DTNA: variants seen among roughly 807,000 people sequenced by gnomAD.
The protein encoded by DTNA is dystrobrevin alpha.
A neutral mutation model predicts 100.7 loss-of-function variants in DTNA; 43 were observed. The observed-to-expected ratio is 0.43, with a 90% CI of 0.33 to 0.55. DTNA has a LOEUF of 0.55. Among genes scored for constraint, DTNA ranks in the 20% least tolerant of loss-of-function variants. The pLI is 0.04. For missense variants in DTNA, 798 were observed against 953.9 expected (o/e 0.84, Z 2.15); for synonymous variants, 349 against 347.9 (o/e 1.00, Z -0.04).
intron 1 of DTNA, among the ~76,000 whole-genome samples, chr18:34,507,449 T>A (rs1450691921): frequency 6.6e-6 from 1 of 152,168 alleles, no homozygotes; most frequent in African/African-American, 2.4e-5. Context: ...AAATTATGCA[T>A]TAAAAATAAA....
chr18:34,725,684 G>A (rs1431765560), intron 1 of DTNA, among the ~76,000 whole-genome samples: 6 of 152,236 alleles, frequency 3.9e-5, no homozygotes, highest in Non-Finnish European at 2.9e-5. Context: ...GTGGAAGACA[G>A]TGTGGCGATT....
intron 1 of DTNA, among the ~76,000 whole-genome samples, chr18:34,648,675 C>T (rs1417529711): frequency 2.6e-5 from 4 of 152,208 alleles, no homozygotes; most frequent in Admixed American, 1.3e-4. Flanking sequence ...AGCTTTGTTC[C>T]GACTCTCAAG....
In DTNA at chr18:34,875,271, C is replaced by A. The variant is rs113072494; in HGVS notation, c.1776C>A (p.Pro592=). The change falls in exon 18 of 23, where the codon CCC becomes CCA. Residue 592 remains proline (P), a synonymous_variant. Coordinates refer to ENST00000444659, the MANE Select transcript of DTNA (RefSeq NM_001386795.1). ...TQGAGSPRSS[P]SHTISRPIPM... is the part of the protein sequence containing the mutation. ...GGGCAGGCTCTCCCCGCTCCTCCCC[C>A]AGCCACACCATCAGCAGGCCAATTC... is the stretch of plus-strand genomic sequence containing the variant. 6.2e-7 allele frequency: 1 copy of A among 1,614,158 alleles called. No individual in the cohort carries two copies. The highest frequency in any genetic ancestry group is 8.5e-7 in the Non-Finnish European group (1 of 1,180,026).
intron 1 of DTNA, among the ~76,000 whole-genome samples, chr18:34,612,447 G>A (rs1003276988): frequency 4.3e-4 from 65 of 152,154 alleles, no homozygotes; most frequent in African/African-American, 1.6e-3. Flanking sequence ...GGGGACAGAA[G>A]GAGAATGAAC....
At position 34,851,828 on chromosome 18, in the gene DTNA, C is replaced by T. The variant is rs1341956798; in HGVS notation, c.1435-3C>T. 3.7e-6 allele frequency: 6 copies of T among 1,613,846 alleles called. No homozygotes were observed. The Admixed American group carries it at 8.3e-5, about 22-fold the overall frequency. ...GAAATCTTATAAACTACATATTTTA[C>T]AGCAGCCACCTCAGCAGAGAAGTGC... On this transcript the variant is annotated splice_polypyrimidine_tract_variant and splice_region_variant and intron_variant, in intron 14 of 22. Coordinates refer to ENST00000444659, the MANE Select transcript of DTNA (RefSeq NM_001386795.1).
chr18:34,867,823 C>CT, intron 17 of DTNA: 3 of 985,602 alleles, frequency 3.0e-6, no homozygotes, highest in Non-Finnish European at 3.6e-6. Context: ...CTTCCAGCTC[C>CT]TCTCCACCAA....
upstream of DTNA, among the ~76,000 whole-genome samples, chr18:34,707,880 G>T (rs1420581609): frequency 6.6e-6 from 1 of 152,084 alleles, no homozygotes; most frequent in Non-Finnish European, 1.5e-5. Context: ...TTTTGGATTG[G>T]ATCATCATGA....
At chr18:34,875,163 A>C (rs909227677) in intron 17 of DTNA, 76 bp from the exon 18 acceptor site, 14 of 1,575,588 alleles carry the variant, frequency 8.9e-6, no homozygotes, top group Non-Finnish European at 1.2e-5. Context: ...TGTTTTCAAC[A>C]ATCAACTGAG....
At position 34,804,498 on chromosome 18, in the gene DTNA, G is replaced by GTAACA. The variant is rs112161399; in HGVS notation, c.363-1720_363-1716dup. ...AGAAGGGAATGGATTCAACATACAG[G>GTAACA]TAACAAGTCTAGCTGAGTCCTTCAA... On this transcript the variant is annotated intron_variant, in intron 4 of 22. Transcript: ENST00000444659. Among the ~76,000 whole-genome samples the GTAACA allele has an allele frequency of 6.3e-3, 965 of 152,302 alleles. 15 individuals carry two copies. Among genetic ancestry groups the GTAACA allele is most frequent in the African/African-American group, 0.022 (901 of 41,568 alleles).
intron 1 of DTNA, among the ~76,000 whole-genome samples, chr18:34,547,292 A>AGAG (rs1237266681): frequency 0.014 from 2,207 of 152,210 alleles, 55 homozygotes; most frequent in African/African-American, 0.049. Context: ...AAATTATTAA[A>AGAG]TTTCTAACTC....
At position 34,879,562 on chromosome 18, in the gene DTNA, G is replaced by A; in HGVS notation, c.2005G>A (p.Glu669Lys). 1 of 1,614,046 alleles carries A rather than the reference G, an allele frequency of 6.2e-7. No individual in the cohort carries two copies. Among genetic ancestry groups the A allele is most frequent in the East Asian group, 2.2e-5 (1 of 44,874 alleles). ...VKELNSEVGS[E>K]TESNVDSEFA... ...ATTGTATCTGCTAGAGGTTGGGAGT[G>A]AAACAGAGAGTAATGTGGATTCTGA... Residue 669 changes from glutamate to lysine, a missense_variant, in exon 20 of 23, where the codon GAA (glutamate) becomes AAA (lysine). Coordinates refer to ENST00000444659, the MANE Select transcript of DTNA (RefSeq NM_001386795.1).
intron 3 of DTNA, among the ~76,000 whole-genome samples, chr18:34,777,595 G>T (rs773820887): frequency 4.0e-4 from 61 of 152,160 alleles, no homozygotes; most frequent in Non-Finnish European, 7.5e-4. Context: ...CCATGTGGCT[G>T]GGGAGGCCTC....
At position 34,661,699 on chromosome 18, in the gene DTNA, G is replaced by A. The variant is rs181707694; in HGVS notation, c.-1-94277G>A. 3.0e-4 allele frequency among the ~76,000 whole-genome samples: 45 copies of A among 152,242 alleles called. 1 individual carries two copies. The South Asian group carries it at 7.5e-3, about 25-fold the overall frequency. ...TTCACCACTAGAGGGAGATAAAGGC[G>A]CCTCTCCATCCACTGTTCCCACCCT... On this transcript the variant is annotated intron_variant, in intron 1 of 19. Transcript: ENST00000283365.
At chr18:34,746,037 A>T (rs922144903) in intron 1 of DTNA, among the ~76,000 whole-genome samples, 2 of 152,162 alleles carry the variant, frequency 1.3e-5, no homozygotes, top group Non-Finnish European at 2.9e-5. Flanking sequence ...TTACATTTTT[A>T]AAAGTATTCC....
Position 34,689,328 on chromosome 18 carries a change from G to A in DTNA, c.-1-66648G>A, listed in dbSNP as rs962753530. Among the ~76,000 whole-genome samples, 5 of 150,072 alleles carry A rather than the reference G, an allele frequency of 3.3e-5. No homozygotes were observed. The South Asian group carries it at 6.2e-4, about 19-fold the overall frequency. ...TGGTGACCTTCAGATGGAGTTTTGG[G>A]TGGTCATTTTTTTGTTGTTGTTGAT... is the stretch of plus-strand genomic sequence containing the variant. On this transcript the variant is annotated intron_variant, in intron 1 of 19. Coordinates refer to the DTNA transcript ENST00000283365.
rs1362191963 is a variant in DTNA at position 34,870,135 on chromosome 18, TTTC to T, written c.1744-5101_1744-5099del. Among the ~76,000 whole-genome samples the T allele has an allele frequency of 8.5e-5, 13 of 152,366 alleles. No individual in the cohort carries two copies. The East Asian group carries it at 1.7e-3, about 20-fold the overall frequency. ...CATTTTAAACTTTGGGATTGAATTG[TTTC>T]TTATTTGGGAAGATAATGTCTATAC... On this transcript the variant is annotated intron_variant, in intron 17 of 22. Coordinates refer to ENST00000444659, the MANE Select transcript of DTNA (RefSeq NM_001386795.1).
chr18:34,830,751 CATATAA>C (rs2095989176), intron 11 of DTNA, among the ~76,000 whole-genome samples: 1 of 152,178 alleles, frequency 6.6e-6, no homozygotes, highest in Non-Finnish European at 1.5e-5. Context: ...GAATGTGGGT[CATATAA>C]CATAATTGAT....
intron 3 of DTNA, among the ~76,000 whole-genome samples, chr18:34,778,585 A>T (rs2094169594): frequency 6.6e-6 from 1 of 152,112 alleles, no homozygotes; most frequent in South Asian, 2.1e-4. Flanking sequence ...GCACTCATTA[A>T]TTTTTTTAAT....
chr18:34,817,139 TC>T (rs1234604379), intron 7 of DTNA, among the ~76,000 whole-genome samples: 1 of 152,200 alleles, frequency 6.6e-6, no homozygotes, highest in African/African-American at 2.4e-5. Context: ...TTAGGCACCA[TC>T]CCAGAACAGT....
Sources: gnomAD v4.1 joint callset for allele counts (sites outside exome capture counted in the v4.1 genomes callset) on GRCh38, gnomAD v4.1.1 for gene constraint, MANE v1.5 for transcripts, NCBI Gene and HGNC (gene_info 2026-07-23, HGNC 2026-07-21) for gene names.